Variants in PCDH15 observed in about 807,000 individuals in gnomAD.
PCDH15 encodes protocadherin-15.
Under a neutral mutation model 178.5 loss-of-function variants are expected in PCDH15, and 129 were observed. The observed-to-expected ratio is 0.72, with a 90% confidence interval of 0.63 to 0.84. The LOEUF (loss-of-function observed/expected upper bound fraction) is 0.84, where lower values mean the gene tolerates loss of function less well. PCDH15 is among the 40% of genes least tolerant of loss of function. The probability of loss-of-function intolerance (pLI) is 0.00; values close to 1 mark genes in which losing one functional copy is unlikely to be tolerated. For synonymous variants in PCDH15, 800 were observed against 732.0 expected (o/e 1.09, Z -1.50); for missense variants, 2,230 against 2,099.9 (o/e 1.06, Z -1.21).
intron 8 of PCDH15, among the ~76,000 whole-genome samples, chr10:54,299,962 A>T (rs963646097): frequency 5.9e-5 from 9 of 152,234 alleles, no homozygotes; most frequent in Non-Finnish European, 1.2e-4. Context: ...GCTAAAAGTT[A>T]ACAGTGTAAT....
chr10:54,066,812 G>A lies in PCDH15; in HGVS notation c.2165C>T (p.Pro722Leu). ...DNAPVFDPYL[P>L]RNLSVVEEEA... ...TTCTTCCACCACAGATAAATTTCTT[G>A]GCAGATAAGGATCAAACACTGGAGC... The change falls in exon 18 of 38, where the codon CCA becomes CTA. Residue 722 changes from proline (P) to leucine (L), a missense_variant. Coordinates refer to ENST00000644397, the MANE Select transcript of PCDH15 (RefSeq NM_001384140.1). 6.2e-7 allele frequency: 1 copy of A among 1,613,342 alleles called. No homozygotes were observed. Among genetic ancestry groups the A allele is most frequent in the Non-Finnish European group, 8.5e-7 (1 of 1,179,570 alleles).
intron 2 of PCDH15, among the ~76,000 whole-genome samples, chr10:55,040,494 T>TACAACAACAACAACA (rs71461272): frequency 5.3e-5 from 8 of 149,728 alleles, no homozygotes; most frequent in African/African-American, 9.8e-5. Flanking sequence ...CCAAAACAAC[T>TACAACAACAACAACA]ACAACAACAA....
At chr10:55,220,949 T>C (rs1208822744) in intron 1 of PCDH15, among the ~76,000 whole-genome samples, 1 of 152,060 alleles carries the variant, frequency 6.6e-6, no homozygotes, top group South Asian at 2.1e-4. Flanking sequence ...ATAAATTCCA[T>C]CTGGTACGTT....
chr10:54,104,623 G>T (rs978045183), intron 15 of PCDH15, among the ~76,000 whole-genome samples: 2 of 151,946 alleles, frequency 1.3e-5, no homozygotes, highest in African/African-American at 4.8e-5. Flanking sequence ...AGATTACGAG[G>T]TCAGGAGATC....
chr10:54,555,502 C>T (rs1008348329), intron 2 of PCDH15, among the ~76,000 whole-genome samples: 20 of 151,436 alleles, frequency 1.3e-4, no homozygotes, highest in Admixed American at 9.9e-4. Flanking sequence ...GAGGCCGAGG[C>T]GGGCAGATCA....
At chr10:54,567,835 A>C (rs764632214) in intron 2 of PCDH15, among the ~76,000 whole-genome samples, 1 of 152,200 alleles carries the variant, frequency 6.6e-6, no homozygotes, top group Non-Finnish European at 1.5e-5. Flanking sequence ...AAGGTGAAGA[A>C]GTCACAGAGT....
At chr10:54,293,488 G>A (rs186510539) in intron 8 of PCDH15, among the ~76,000 whole-genome samples, 91 of 152,284 alleles carry the variant, frequency 6.0e-4, no homozygotes, top group African/African-American at 2.1e-3. Context: ...AAACTAAAGA[G>A]CTTCTGCACA....
chr10:54,168,345 G>A (rs985019862), intron 13 of PCDH15, among the ~76,000 whole-genome samples: 14 of 151,952 alleles, frequency 9.2e-5, no homozygotes, highest in Admixed American at 7.2e-4. Context: ...CCTCCCGCCT[G>A]TCCCCTCAGT....
intron 1 of PCDH15, among the ~76,000 whole-genome samples, chr10:55,266,636 G>A (rs1309669203): frequency 1.3e-5 from 2 of 152,192 alleles, no homozygotes; most frequent in African/African-American, 4.8e-5. Context: ...AGCAGCTGGA[G>A]GTCGAGAGGA....
chr10:54,611,649 A>G (rs1209495656), intron 2 of PCDH15, among the ~76,000 whole-genome samples: 1 of 151,862 alleles, frequency 6.6e-6, no homozygotes, highest in Non-Finnish European at 1.5e-5. Flanking sequence ...AGACAAGAAG[A>G]TAAATATAAG....
At chr10:55,220,913 T>C (rs997277831) in intron 1 of PCDH15, among the ~76,000 whole-genome samples, 3 of 152,098 alleles carry the variant, frequency 2.0e-5, no homozygotes, top group African/African-American at 4.8e-5. Flanking sequence ...CTAGGTAAAA[T>C]TTATAATTAG....
intron 1 of PCDH15, among the ~76,000 whole-genome samples, chr10:54,685,720 C>T (rs1433759714): frequency 6.6e-6 from 1 of 152,180 alleles, no homozygotes; most frequent in African/African-American, 2.4e-5. Context: ...AACATCATAG[C>T]TTAGCTTAGC....
intron 2 of PCDH15, among the ~76,000 whole-genome samples, chr10:54,962,739 A>G (rs1838687973): frequency 6.6e-6 from 1 of 152,118 alleles, no homozygotes; most frequent in Non-Finnish European, 1.5e-5. Context: ...TTGCTTGCTC[A>G]TTCACACACC....
intron 2 of PCDH15, among the ~76,000 whole-genome samples, chr10:54,968,589 T>G: frequency 6.6e-6 from 1 of 152,244 alleles, no homozygotes; most frequent in East Asian, 1.9e-4. Context: ...TGAAAATTTT[T>G]ATTATGATGT....
intron 1 of PCDH15, among the ~76,000 whole-genome samples, chr10:54,784,518 C>G (rs61854138): frequency 0.11 from 16,633 of 151,792 alleles, 1,570 homozygotes; most frequent in East Asian, 0.47. Flanking sequence ...ACTGTTTAGC[C>G]ATGAAGAAGA....
intron 5 of PCDH15, among the ~76,000 whole-genome samples, chr10:54,366,488 A>G (rs1318572297): frequency 2.0e-5 from 3 of 152,082 alleles, no homozygotes; most frequent in Non-Finnish European, 4.4e-5. Flanking sequence ...CTATTTATAC[A>G]CATACACATA....
intron 4 of PCDH15, among the ~76,000 whole-genome samples, chr10:54,376,225 T>C (rs1948408573): frequency 6.6e-6 from 1 of 151,874 alleles, no homozygotes; most frequent in Non-Finnish European, 1.5e-5. Flanking sequence ...ATTATATTCA[T>C]AAAAGAACAA....
In PCDH15 at chr10:54,468,147, T is replaced by C. The variant is rs551952614; in HGVS notation, c.157+59665A>G. Among the ~76,000 whole-genome samples, 6 of 152,098 alleles carry C rather than the reference T, an allele frequency of 3.9e-5. 1 individual carries two copies. The South Asian group carries it at 1.2e-3, about 31-fold the overall frequency. ...ACCCTTTGTATTATTATTTTCAGCCTGTATTTTGTTTAGTTCCACTTTGAT... is the reference window on the plus strand; with the variant it reads ...ACCCTTTGTATTATTATTTTCAGCCCGTATTTTGTTTAGTTCCACTTTGAT... On this transcript the variant is annotated intron_variant, in intron 3 of 37. Transcript: ENST00000644397.
chr10:54,681,401 G>A (rs910807601), intron 1 of PCDH15, among the ~76,000 whole-genome samples: 1 of 152,080 alleles, frequency 6.6e-6, no homozygotes, highest in Non-Finnish European at 1.5e-5. Context: ...GAAAAAATCA[G>A]GACTTGCAAA....
Sources: gnomAD v4.1 joint callset for allele counts (sites outside exome capture counted in the v4.1 genomes callset) on GRCh38, gnomAD v4.1.1 for gene constraint, MANE v1.5 for transcripts, NCBI Gene and HGNC (gene_info 2026-07-23, HGNC 2026-07-21) for gene names.